SNRPE: variants seen among roughly 807,000 people sequenced by gnomAD.
SNRPE encodes small nuclear ribonucleoprotein E.
For synonymous variants in SNRPE, 35 were observed against 36.7 expected (o/e 0.95, Z 0.17); for missense variants, 53 against 111.6 (o/e 0.48, Z 2.36).
chr1:203,865,260 C>T (rs1187229923), intron 4 of SNRPE, 141 bp downstream of exon 4: 6 of 731,502 alleles, frequency 8.2e-6, no homozygotes, highest in African/African-American at 1.8e-5. Context: ...CTTTTGAAAT[C>T]ATCCTCTACT....
chr1:203,869,657 T>C (rs1303493148), intron 4 of SNRPE, among the ~76,000 whole-genome samples: 2 of 152,224 alleles, frequency 1.3e-5, no homozygotes, highest in African/African-American at 4.8e-5. Flanking sequence ...AGAAATGATA[T>C]TTGTCATGAA....
intron 4 of SNRPE, among the ~76,000 whole-genome samples, chr1:203,865,727 T>C (rs931841443): frequency 5.3e-5 from 8 of 152,194 alleles, no homozygotes; most frequent in African/African-American, 1.7e-4. Flanking sequence ...TCCAGATTGT[T>C]TTACCTGTGC....
Position 203,861,612 on chromosome 1 carries a change from G to A in SNRPE, c.-48G>A. 6.7e-7 allele frequency: 1 copy of A among 1,495,272 alleles called. No homozygotes were observed. The highest frequency in any genetic ancestry group is 9.3e-7 in the Non-Finnish European group (1 of 1,071,862). The allele number at this position is 1,495,272 out of a possible 1,614,324, so 92.6% of individuals were successfully genotyped here. A position where few individuals can be genotyped will look rare whatever the true frequency, so the allele number is the denominator to read the frequency against. On this transcript the variant is annotated 5_prime_UTR_variant, in exon 1 of 5. Coordinates refer to ENST00000414487, the MANE Select transcript of SNRPE (RefSeq NM_003094.4). The stretch of plus-strand genomic sequence containing the variant: ...CCGCTTCCGGTTCTTTATTCCGGAA[G>A]TTGCTCTCAGAGGCAGCGTGCGGGT...
intron 4 of SNRPE, among the ~76,000 whole-genome samples, chr1:203,869,512 A>G (rs1486484768): frequency 5.3e-5 from 8 of 151,952 alleles, no homozygotes; most frequent in Non-Finnish European, 1.0e-4. Flanking sequence ...AGTCTTTAAT[A>G]TACTAACAGC....
chr1:203,861,677 G>A lies in SNRPE; in HGVS notation c.18G>A (p.Gln6=), dbSNP rs2103504434. 6.2e-7 allele frequency: 1 copy of A among 1,613,416 alleles called. No individual in the cohort carries two copies. The highest frequency in any genetic ancestry group is 8.5e-7 in the Non-Finnish European group (1 of 1,179,294). Residue 6 remains glutamine (Q), a synonymous_variant, in exon 1 of 5, where the codon CAG becomes CAA. Transcript: ENST00000414487. MAYRG[Q]GQKVQKVMVQ... Reference sequence around the variant, plus strand: ...ATTCCACCATGGCGTACCGTGGCCAGGGTCAGAAAGTGCAGAAGGTTATGG... The same window carrying A: ...ATTCCACCATGGCGTACCGTGGCCAAGGTCAGAAAGTGCAGAAGGTTATGG...
chr1:203,866,036 G>A (rs914621714), intron 4 of SNRPE, among the ~76,000 whole-genome samples: 3 of 149,368 alleles, frequency 2.0e-5, no homozygotes, highest in East Asian at 4.1e-4. Flanking sequence ...TAAATTGGCC[G>A]TTGGTGATCA....
intron 2 of SNRPE, among the ~76,000 whole-genome samples, chr1:203,862,758 G>GA (rs1690003053): frequency 6.6e-6 from 1 of 152,154 alleles, no homozygotes; most frequent in African/African-American, 2.4e-5. Context: ...TAACACAACT[G>GA]AAAAACATTA....
Position 203,865,108 on chromosome 1 carries a change from G to A in SNRPE, c.212G>A (p.Arg71Lys), listed in dbSNP as rs780394445. ...AEEIHSKTKS[R>K]KQLGRIMLKG... The stretch of plus-strand genomic sequence containing the variant: ...GAGATTCATTCTAAAACAAAGTCAA[G>A]AAAACAACTGGGTAAGGATAGAAGT... The change falls in exon 4 of 5, where the codon AGA (arginine) becomes AAA (lysine). Residue 71 changes from arginine to lysine, a missense_variant. By Grantham distance (26) the Arg-to-Lys change is conservative. Coordinates refer to ENST00000414487, the MANE Select transcript of SNRPE (RefSeq NM_003094.4). 2 of 1,612,366 alleles carry A rather than the reference G, an allele frequency of 1.2e-6. No homozygotes were observed.
rs4598553 is a variant in SNRPE, at chr1:203,870,909, C to T, written c.*977C>T. 6.6e-6 allele frequency among the ~76,000 whole-genome samples: 1 copy of T among 152,114 alleles called. No homozygotes were observed. The highest frequency in any genetic ancestry group is 1.5e-5 in the Non-Finnish European group (1 of 68,024). ...GCCTGCCTTAAGTTCTGCTAAAGGC[C>T]ATGTTGTTATTAAGGACGGGTGAGG... On this transcript the variant is annotated 3_prime_UTR_variant, in exon 5 of 5. Coordinates refer to ENST00000414487, the MANE Select transcript of SNRPE (RefSeq NM_003094.4).
At chr1:203,866,748 G>T (rs1690095606) in intron 4 of SNRPE, among the ~76,000 whole-genome samples, 2 of 151,506 alleles carry the variant, frequency 1.3e-5, no homozygotes, top group Admixed American at 6.6e-5. Context: ...ATGACTTCCT[G>T]TTGCTGTTAG....
intron 3 of SNRPE, 129 bp from the exon 4 acceptor site, chr1:203,864,912 A>C: frequency 1.4e-5 from 7 of 517,516 alleles, no homozygotes; most frequent in Non-Finnish European, 1.7e-5. Context: ...CTTTGGGTGG[A>C]AGGTGGGGTG....
At chr1:203,864,937 T>A in intron 3 of SNRPE, 104 bp from the exon 4 acceptor site, 2 of 1,032,268 alleles carry the variant, frequency 1.9e-6, no homozygotes, top group Non-Finnish European at 2.6e-6. Flanking sequence ...TTGAGAAGAG[T>A]GAATCTTTGA....
chr1:203,871,043 T>C lies in SNRPE; in HGVS notation c.*1111T>C, dbSNP rs894152693. On this transcript the variant is annotated 3_prime_UTR_variant, in exon 5 of 5. Transcript: ENST00000414487. ...GAGATAGAGGAGATTTGTAGGTGAA[T>C]GCAGAAGTGTATCCAGCTTTGAACC... is the stretch of plus-strand genomic sequence containing the variant. Among the ~76,000 whole-genome samples the C allele has an allele frequency of 6.6e-6, 1 of 152,242 alleles. No homozygotes were observed. The highest frequency in any genetic ancestry group is 1.5e-5 in the Non-Finnish European group (1 of 68,044).
chr1:203,866,846 A>G (rs1219464397), intron 4 of SNRPE, among the ~76,000 whole-genome samples: 1 of 151,858 alleles, frequency 6.6e-6, no homozygotes, highest in African/African-American at 2.4e-5. Context: ...TCACTGCCTC[A>G]CTTTCTGAGC....
At position 203,861,633 on chromosome 1, in the gene SNRPE, C is replaced by G. The variant is rs756614135; in HGVS notation, c.-27C>G. ...GGAAGTTGCTCTCAGAGGCAGCGTGCGGGTGTGCTCTTTGTGAAATTCCAC... is the reference window on the plus strand; with the variant it reads ...GGAAGTTGCTCTCAGAGGCAGCGTGGGGGTGTGCTCTTTGTGAAATTCCAC... On this transcript the variant is annotated 5_prime_UTR_variant, in exon 1 of 5. Coordinates refer to ENST00000414487, the MANE Select transcript of SNRPE (RefSeq NM_003094.4). The G allele has an allele frequency of 1.4e-5, 22 of 1,596,970 alleles. No individual in the cohort carries two copies. Among genetic ancestry groups the G allele is most frequent in the Non-Finnish European group, 1.7e-5 (20 of 1,164,400 alleles).
At chr1:203,867,107 GAAAA>G (rs71566135) in intron 4 of SNRPE, among the ~76,000 whole-genome samples, 8 of 52,850 alleles carry the variant, frequency 1.5e-4, no homozygotes, top group East Asian at 9.8e-4. Context: ...TGTCTTTCCT[GAAAA>G]AAAAAAAAAA....
At chr1:203,865,634 C>T (rs920365830) in intron 4 of SNRPE, among the ~76,000 whole-genome samples, 7 of 152,170 alleles carry the variant, frequency 4.6e-5, no homozygotes, top group Admixed American at 1.3e-4. Context: ...CCTGAGATAG[C>T]GTCAGTTCCC....
In SNRPE at chr1:203,870,831, T is replaced by C. The variant is rs1316556940; in HGVS notation, c.*899T>C. On this transcript the variant is annotated 3_prime_UTR_variant, in exon 5 of 5. Coordinates refer to ENST00000414487, the MANE Select transcript of SNRPE (RefSeq NM_003094.4). Reference sequence around the variant, plus strand: ...TGAAACAGACAGGTAAGCAGGTGGTTTTAATGCCTCATTCTAAGTGCTATT... The same window carrying C: ...TGAAACAGACAGGTAAGCAGGTGGTCTTAATGCCTCATTCTAAGTGCTATT... 6.6e-6 allele frequency among the ~76,000 whole-genome samples: 1 copy of C among 152,230 alleles called. No individual in the cohort carries two copies. The highest frequency in any genetic ancestry group is 1.5e-5 in the Non-Finnish European group (1 of 68,036).
rs779060693 is a variant in SNRPE, at chr1:203,863,698, G to T, written c.117G>T (p.Val39=). Reference sequence around the variant, plus strand: ...TTCAGGTGTGGCTCTATGAGCAAGTGAATATGCGGATAGAAGGCTGTATCA... The same window carrying T: ...TTCAGGTGTGGCTCTATGAGCAAGTTAATATGCGGATAGAAGGCTGTATCA... ...SRIQVWLYEQ[V]NMRIEGCIIG... is the part of the protein sequence containing the mutation. Residue 39 remains valine (V), a synonymous_variant, in exon 3 of 5, where the codon GTG becomes GTT. Coordinates refer to ENST00000414487, the MANE Select transcript of SNRPE (RefSeq NM_003094.4). The T allele has an allele frequency of 6.2e-7, 1 of 1,607,868 alleles. No individual in the cohort carries two copies. Among genetic ancestry groups the T allele is most frequent in the Admixed American group, 1.7e-5 (1 of 59,994 alleles).
Sources: allele counts gnomAD v4.1 joint callset (sites outside exome capture counted in the v4.1 genomes callset), GRCh38; gene constraint gnomAD v4.1.1; transcripts MANE v1.5; gene names NCBI Gene and HGNC (gene_info 2026-07-23, HGNC 2026-07-21).